LARGE1: variants seen among roughly 807,000 people sequenced by gnomAD.
LARGE1 encodes xylosyl- and glucuronyltransferase LARGE1.
Under a neutral mutation model 87.6 loss-of-function variants are expected in LARGE1, and 43 were observed. The observed-to-expected ratio is 0.49, with a 90% CI of 0.38 to 0.63. The LOEUF is 0.63. Ranked by LOEUF, LARGE1 falls within the 30% of genes least tolerant of loss-of-function variation. LARGE1 has a pLI of 0.00. For synonymous variants in LARGE1, 434 were observed against 394.6 expected (o/e 1.10, Z -1.18); for missense variants, 802 against 1,000.2 (o/e 0.80, Z 2.67).
chr22:33,095,084 G>A, the LARGE1 span, among the ~76,000 whole-genome samples: 4 of 152,124 alleles, frequency 2.6e-5, no homozygotes, highest in African/African-American at 7.2e-5. Context: ...CTGGCTTATC[G>A]TATTACAACG....
chr22:33,098,489 C>T, the LARGE1 span, among the ~76,000 whole-genome samples: 4 of 152,080 alleles, frequency 2.6e-5, no homozygotes, highest in East Asian at 5.8e-4. Context: ...GGTATGGTGG[C>T]GGGCGCCTGT....
chr22:33,726,745 A>G (rs1431944201), intron 2 of LARGE1, among the ~76,000 whole-genome samples: 1 of 152,134 alleles, frequency 6.6e-6, no homozygotes, highest in Non-Finnish European at 1.5e-5. Flanking sequence ...CAATTTCCCT[A>G]CTGCACAGAT....
intron 6 of LARGE1, among the ~76,000 whole-genome samples, chr22:33,556,560 G>GAGGGAGGGAGGGGAGGAGGA (rs1213839317): frequency 1.3e-5 from 1 of 76,858 alleles, no homozygotes; most frequent in Non-Finnish European, 2.5e-5. Context: ...GGGAGGGAGG[G>GAGGGAGGGAGGGGAGGAGGA]AGGGAGGCAG....
chr22:33,761,799 C>A (rs972217419), intron 1 of LARGE1, among the ~76,000 whole-genome samples: 8 of 152,250 alleles, frequency 5.3e-5, no homozygotes, highest in Admixed American at 4.6e-4. Flanking sequence ...AACACGCACA[C>A]ACACATACAC....
rs201188856 is a variant in LARGE1, at chr22:33,619,591, C to T, written c.491+6653G>A. On this transcript the variant is annotated intron_variant, in intron 4 of 14. Coordinates refer to ENST00000397394, the MANE Select transcript of LARGE1 (RefSeq NM_133642.5). ...AAAAAAGAAAAAAAGAAAAAAGAAG[C>T]ATGATACTAAAAATGAGAACTTCTT... Among the ~76,000 whole-genome samples, 11 of 151,246 alleles carry T rather than the reference C, an allele frequency of 7.3e-5. No individual in the cohort carries two copies. The East Asian group carries it at 2.1e-3, about 29-fold the overall frequency.
At chr22:33,131,887 G>C in the LARGE1 span, among the ~76,000 whole-genome samples, 1 of 151,748 alleles carries the variant, frequency 6.6e-6, no homozygotes, top group Middle Eastern at 3.2e-3. Context: ...TTGGACTCAC[G>C]GTTCCATATA....
chr22:33,127,916 T>A, the LARGE1 span, among the ~76,000 whole-genome samples: 2 of 152,244 alleles, frequency 1.3e-5, no homozygotes, highest in African/African-American at 4.8e-5. Flanking sequence ...TGTAAGTTAA[T>A]GTTGTTCATC....
rs1377968841 is a variant in LARGE1, at chr22:33,508,850, GA to G, written c.787+55997del. ...AGGAAAATATGGCAGGGAAGTGTGG[GA>G]AAAAACCCAGAGTGAATTCAAATGG... On this transcript the variant is annotated intron_variant, in intron 6 of 14. Coordinates refer to ENST00000397394, the MANE Select transcript of LARGE1 (RefSeq NM_133642.5). 1.1e-4 allele frequency among the ~76,000 whole-genome samples: 16 copies of G among 152,246 alleles called. No individual in the cohort carries two copies. The East Asian group carries it at 2.5e-3, about 24-fold the overall frequency.
At chr22:33,178,876 T>G (rs1025223833) in intron 11 of LARGE1, among the ~76,000 whole-genome samples, 2 of 152,232 alleles carry the variant, frequency 1.3e-5, no homozygotes, top group African/African-American at 4.8e-5. Flanking sequence ...CATTTTCTAT[T>G]GCTATACCTG....
intron 7 of LARGE1, among the ~76,000 whole-genome samples, chr22:33,388,319 C>T (rs1230095383): frequency 1.3e-5 from 2 of 152,192 alleles, no homozygotes; most frequent in African/African-American, 4.8e-5. Flanking sequence ...GTGCAGCTTC[C>T]AAAGTTGGAC....
intron 13 of LARGE1, 147 bp from the exon 14 acceptor site, chr22:33,277,402 T>C: frequency 2.7e-6 from 2 of 744,482 alleles, no homozygotes; most frequent in Non-Finnish European, 4.6e-6. Context: ...GTTGAAGTCC[T>C]AACCCCCAGT....
chr22:33,703,581 G>A (rs1289183118), intron 2 of LARGE1, among the ~76,000 whole-genome samples: 2 of 152,150 alleles, frequency 1.3e-5, no homozygotes, highest in Admixed American at 1.3e-4. Flanking sequence ...TAAGAGAGAT[G>A]CAGGAAGAGT....
chr22:33,696,118 T>C (rs574786971), intron 2 of LARGE1, among the ~76,000 whole-genome samples: 51 of 152,298 alleles, frequency 3.3e-4, no homozygotes, highest in African/African-American at 1.2e-3. Context: ...GAACACAAAT[T>C]ATTTATCTAT....
At chr22:33,619,410 C>A (rs889993002) in intron 4 of LARGE1, among the ~76,000 whole-genome samples, 1 of 151,768 alleles carries the variant, frequency 6.6e-6, no homozygotes, top group African/African-American at 2.4e-5. Context: ...CAAAAATTAG[C>A]CAGGTGTGGT....
chr22:33,534,092 C>T (rs553836465), intron 6 of LARGE1, among the ~76,000 whole-genome samples: 8 of 152,210 alleles, frequency 5.3e-5, no homozygotes, highest in African/African-American at 1.7e-4. Context: ...GGCTTCTTGA[C>T]TGCAGGCCTT....
In LARGE1 at chr22:33,761,379, C is replaced by T. The variant is rs780492845; in HGVS notation, c.98G>A (p.Ser33Asn). 27 of 1,613,450 alleles carry T rather than the reference C, an allele frequency of 1.7e-5. No individual in the cohort carries two copies. Among genetic ancestry groups the T allele is most frequent in the Admixed American group, 3.3e-5 (2 of 59,972 alleles). Residue 33 changes from serine to asparagine, a missense_variant, in exon 2 of 15, where the codon AGC becomes AAC. By Grantham distance (46) the Ser-to-Asn change is conservative. Transcript: ENST00000397394. The stretch of plus-strand genomic sequence containing the variant: ...TTGGCTTCCATTCTTACCTTCGAAG[C>T]TCCCAGAAAACAGGTAAATCCAGGT... ...AITWIYLFSGSFEDGKPVSLS... is the reference protein window; with the variant it reads ...AITWIYLFSGNFEDGKPVSLS...
At chr22:33,277,375 TC>T in intron 13 of LARGE1, 120 bp from the exon 14 acceptor site, 1 of 940,358 alleles carries the variant, frequency 1.1e-6, no homozygotes, top group Non-Finnish European at 1.7e-6. Context: ...TTGAACTGTC[TC>T]CCTCCCAAAA....
chr22:33,799,561 T>A, intron 1 of LARGE1, among the ~76,000 whole-genome samples: 1 of 152,166 alleles, frequency 6.6e-6, no homozygotes, highest in Non-Finnish European at 1.5e-5. Context: ...CTGCCTCAGC[T>A]GCCCAGGTAG....
chr22:33,163,345 CT>C (rs2146118127), exon 12 of LARGE1: 1 of 152,276 alleles, frequency 6.6e-6, no homozygotes, highest in South Asian at 2.1e-4. Flanking sequence ...GTGTGGTATG[CT>C]TTTACTGATG....
Sources: gnomAD v4.1 joint callset for allele counts (sites outside exome capture counted in the v4.1 genomes callset) on GRCh38, gnomAD v4.1.1 for gene constraint, MANE v1.5 for transcripts, NCBI Gene and HGNC (gene_info 2026-07-23, HGNC 2026-07-21) for gene names.